Variants in PDE10A observed in about 807,000 individuals in gnomAD.
PDE10A encodes phosphodiesterase 10A.
Under a neutral mutation model 97.7 loss-of-function variants are expected in PDE10A, and 39 were observed. The ratio of observed to expected loss-of-function variants is 0.40; its 90% confidence interval spans 0.31 to 0.52. The LOEUF (loss-of-function observed/expected upper bound fraction) is 0.52, where lower values mean the gene tolerates loss of function less well. Ranked by LOEUF, PDE10A falls within the 20% of genes least tolerant of loss-of-function variation. The pLI, the probability that PDE10A is intolerant of heterozygous loss-of-function variation, is 0.56. For missense variants in PDE10A, 731 were observed against 1,047.8 expected, an observed-to-expected ratio of 0.70 and a Z score of 4.17; for synonymous variants, 371 against 376.8, an observed-to-expected ratio of 0.98 and a Z score of 0.18.
At chr6:165,420,495 C>T (rs371093469) in intron 10 of PDE10A, among the ~76,000 whole-genome samples, 1 of 152,154 alleles carries the variant, frequency 6.6e-6, no homozygotes, top group African/African-American at 2.4e-5. Flanking sequence ...AATCACTCAT[C>T]TAATTCACAA....
chr6:165,675,269 A>G (rs1052179849), intron 1 of PDE10A, among the ~76,000 whole-genome samples: 10 of 152,346 alleles, frequency 6.6e-5, no homozygotes, highest in African/African-American at 2.2e-4. Context: ...TGCTAAGCAG[A>G]AAGACCAAAC....
At chr6:165,631,145 A>G (rs2128414673) in intron 1 of PDE10A, among the ~76,000 whole-genome samples, 1 of 152,340 alleles carries the variant, frequency 6.6e-6, no homozygotes, top group South Asian at 2.1e-4. Context: ...TCTGTTCAGA[A>G]CAATATTGAA....
At chr6:165,698,505 A>G (rs1791493240) in intron 1 of PDE10A, among the ~76,000 whole-genome samples, 1 of 152,214 alleles carries the variant, frequency 6.6e-6, no homozygotes, top group African/African-American at 2.4e-5. Flanking sequence ...AAATAAAAAA[A>G]TAGAGCGAAA....
At chr6:165,824,967 CTAAAAAAAA>C (rs1779685820) in intron 1 of PDE10A, among the ~76,000 whole-genome samples, 1 of 33,580 alleles carries the variant, frequency 3.0e-5, no homozygotes, top group African/African-American at 7.5e-5. Context: ...CCCGTCTCTA[CTAAAAAAAA>C]AAAAAAAAAA....
At chr6:165,959,208 G>A (rs111395132) in intron 1 of PDE10A, among the ~76,000 whole-genome samples, 4 of 152,246 alleles carry the variant, frequency 2.6e-5, no homozygotes, top group South Asian at 2.1e-4. Flanking sequence ...GCCAAGGTGA[G>A]GCCATTCCTA....
At chr6:165,944,174 A>T (rs1783682957) in intron 1 of PDE10A, among the ~76,000 whole-genome samples, 1 of 152,156 alleles carries the variant, frequency 6.6e-6, no homozygotes, top group Admixed American at 6.5e-5. Flanking sequence ...ATGAGAACTC[A>T]CTCACTATTG....
intron 1 of PDE10A, among the ~76,000 whole-genome samples, chr6:165,550,191 C>T (rs754499414): frequency 5.3e-5 from 8 of 152,190 alleles, no homozygotes; most frequent in Non-Finnish European, 8.8e-5. Flanking sequence ...CTCAAGCCCT[C>T]TGTCCTTCCT....
rs144707219 is a variant in PDE10A, at chr6:165,633,017, T to C, written c.865+28930A>G. Among the ~76,000 whole-genome samples, 6 of 151,470 alleles carry C rather than the reference T, an allele frequency of 4.0e-5. No homozygotes were observed. The East Asian group carries it at 1.2e-3, about 30-fold the overall frequency. On this transcript the variant is annotated intron_variant, in intron 1 of 21. Coordinates refer to ENST00000539869, the MANE Select transcript of PDE10A (RefSeq NM_001385079.1). ...CAGCAACTCAATATGCTGGAAGAGA[T>C]TCCTTCACAACTTCTGGAAATAGCA...
At chr6:165,665,734 C>T (rs1790482737), upstream of PDE10A, among the ~76,000 whole-genome samples, 3 of 151,368 alleles carry the variant, frequency 2.0e-5, no homozygotes, top group African/African-American at 7.3e-5. Context: ...GGGTAGTTAA[C>T]ACCAGGTGCC....
At chr6:165,859,282 AG>A (rs1780835921) in intron 1 of PDE10A, among the ~76,000 whole-genome samples, 1 of 152,184 alleles carries the variant, frequency 6.6e-6, no homozygotes, top group Admixed American at 6.5e-5. Flanking sequence ...CTGTGATTGG[AG>A]GCTTTTTTCA....
At chr6:165,631,469 C>CT (rs1316634041) in intron 1 of PDE10A, among the ~76,000 whole-genome samples, 3 of 152,210 alleles carry the variant, frequency 2.0e-5, no homozygotes, top group African/African-American at 7.2e-5. Flanking sequence ...TATCCATCCC[C>CT]TTAGCATTTT....
chr6:165,641,077 C>T (rs1393840401), intron 1 of PDE10A, among the ~76,000 whole-genome samples: 4 of 152,176 alleles, frequency 2.6e-5, no homozygotes, highest in Non-Finnish European at 4.4e-5. Context: ...TGGCTGTCTG[C>T]TTCACCTGAC....
intron 1 of PDE10A, among the ~76,000 whole-genome samples, chr6:165,577,304 C>T (rs1162406571): frequency 2.6e-5 from 4 of 152,176 alleles, no homozygotes. Flanking sequence ...TTCACCTACT[C>T]TACTCTCAGA....
chr6:165,691,104 T>C (rs1791266154), intron 1 of PDE10A, among the ~76,000 whole-genome samples: 6 of 30,044 alleles, frequency 2.0e-4, no homozygotes, highest in Non-Finnish European at 2.3e-4. Context: ...TCTCTTTCTC[T>C]CTCCCCCCCC....
At position 165,635,725 on chromosome 6, in the gene PDE10A, A is replaced by G. The variant is rs535325093; in HGVS notation, c.865+26222T>C. On this transcript the variant is annotated intron_variant, in intron 1 of 21. Transcript: ENST00000539869. ...AATGAACAGACCTACACAAATCAAT[A>G]GACTATCGTAAACACAGCGTGAACT... 6.6e-5 allele frequency among the ~76,000 whole-genome samples: 10 copies of G among 152,364 alleles called. No homozygotes were observed. In the South Asian group the frequency reaches 2.1e-3, roughly 32 times the overall value.
At chr6:165,480,397 G>T in intron 3 of PDE10A, among the ~76,000 whole-genome samples, 1 of 151,974 alleles carries the variant, frequency 6.6e-6, no homozygotes, top group East Asian at 1.9e-4. Flanking sequence ...ACACTAGCTT[G>T]GGCAACATGG....
intron 18 of PDE10A, among the ~76,000 whole-genome samples, chr6:165,366,972 C>T (rs914229277): frequency 6.6e-6 from 1 of 151,980 alleles, no homozygotes; most frequent in African/African-American, 2.4e-5. Flanking sequence ...AATTACTAGC[C>T]ATGTAAAGAA....
intron 1 of PDE10A, among the ~76,000 whole-genome samples, chr6:165,588,232 T>C (rs1375360652): frequency 6.6e-6 from 1 of 151,054 alleles, no homozygotes; most frequent in Non-Finnish European, 1.5e-5. Flanking sequence ...ATCTTGGGGG[T>C]GGTAGTAAAC....
chr6:165,454,531 A>G (rs1394921534), intron 3 of PDE10A, among the ~76,000 whole-genome samples: 1 of 152,142 alleles, frequency 6.6e-6, no homozygotes, highest in Non-Finnish European at 1.5e-5. Context: ...GGAGTGAATT[A>G]GTTATCTCAG....
Sources: gnomAD v4.1 joint callset for allele counts (sites outside exome capture counted in the v4.1 genomes callset) on GRCh38, gnomAD v4.1.1 for gene constraint, MANE v1.5 for transcripts, NCBI Gene and HGNC (gene_info 2026-07-23, HGNC 2026-07-21) for gene names.